Variants in AOPEP observed in about 807,000 individuals in gnomAD.
The protein encoded by AOPEP is aminopeptidase O.
Under a neutral mutation model 98.1 loss-of-function variants are expected in AOPEP, and 77 were observed. That is an observed-to-expected ratio of 0.78 (90% CI 0.65 to 0.95). The LOEUF (loss-of-function observed/expected upper bound fraction) is 0.95, where lower values mean the gene tolerates loss of function less well. AOPEP is among the 40% of genes least tolerant of loss of function. The probability of loss-of-function intolerance (pLI) is 0.00; values close to 1 mark genes in which losing one functional copy is unlikely to be tolerated. For missense variants in AOPEP, 1,024 were observed against 1,024.7 expected (o/e 1.00, Z 0.01); for synonymous variants, 346 against 365.3 (o/e 0.95, Z 0.60).
chr9:94,903,052 C>T (rs2050632986), intron 5 of AOPEP, among the ~76,000 whole-genome samples: 2 of 150,644 alleles, frequency 1.3e-5, no homozygotes, highest in African/African-American at 4.9e-5. Context: ...CCGATCTTGG[C>T]TCATTGTAAC....
At chr9:94,795,333 G>A (rs1408397629) in intron 4 of AOPEP, among the ~76,000 whole-genome samples, 1 of 152,092 alleles carries the variant, frequency 6.6e-6, no homozygotes, top group African/African-American at 2.4e-5. Flanking sequence ...ATTGACTGGA[G>A]TGTGTTGTGT....
Position 94,797,156 on chromosome 9 carries a change from A to G in AOPEP, c.1119-3601A>G, listed in dbSNP as rs539684359. ...CTTTGTAAAAAGCACAGAATTGGCC[A>G]GGCGCGGTGGCTCACGCCATTAATC... is the stretch of plus-strand genomic sequence containing the variant. On this transcript the variant is annotated intron_variant, in intron 4 of 16. Coordinates refer to ENST00000375315, the MANE Select transcript of AOPEP (RefSeq NM_001193329.3). Among the ~76,000 whole-genome samples the G allele has an allele frequency of 1.2e-4, 18 of 152,358 alleles. No individual in the cohort carries two copies. The East Asian group carries it at 1.7e-3, about 15-fold the overall frequency.
chr9:94,949,294 T>C (rs2057924091), intron 7 of AOPEP, among the ~76,000 whole-genome samples: 1 of 152,244 alleles, frequency 6.6e-6, no homozygotes, highest in Non-Finnish European at 1.5e-5. Flanking sequence ...TTTCCCACCC[T>C]GATTATTAAA....
At chr9:94,734,184 A>G (rs983276473) in intron 1 of AOPEP, among the ~76,000 whole-genome samples, 3 of 152,178 alleles carry the variant, frequency 2.0e-5, no homozygotes, top group African/African-American at 7.2e-5. Context: ...CGCCGGGAAC[A>G]TGATCACCAA....
At chr9:94,814,774 G>A (rs1444329438) in intron 5 of AOPEP, among the ~76,000 whole-genome samples, 2 of 152,142 alleles carry the variant, frequency 1.3e-5, no homozygotes, top group Admixed American at 6.5e-5. Flanking sequence ...CCCGGTATTC[G>A]GGTAAGTATG....
chr9:95,143,806 C>A, the AOPEP span, among the ~76,000 whole-genome samples: 1 of 152,204 alleles, frequency 6.6e-6, no homozygotes, highest in Non-Finnish European at 1.5e-5. Flanking sequence ...AGGTTTTATG[C>A]CGTCTTTAGC....
At chr9:94,869,599 G>C (rs1451161321) in intron 5 of AOPEP, among the ~76,000 whole-genome samples, 1 of 152,154 alleles carries the variant, frequency 6.6e-6, no homozygotes, top group East Asian at 1.9e-4. Context: ...ACATAGAATG[G>C]GGTTGGTAAT....
intron 13 of AOPEP, among the ~76,000 whole-genome samples, chr9:95,032,202 A>G (rs73657032): frequency 6.6e-6 from 1 of 152,184 alleles, no homozygotes; most frequent in Non-Finnish European, 1.5e-5. Flanking sequence ...AGCGGAGGCC[A>G]CCTGCTTCTG....
intron 14 of AOPEP, among the ~76,000 whole-genome samples, chr9:95,077,273 C>T (rs541894428): frequency 1.6e-3 from 250 of 152,334 alleles, no homozygotes; most frequent in Non-Finnish European, 3.2e-3. Flanking sequence ...CAGCACTGCC[C>T]CGGCTCCCAG....
chr9:94,980,866 T>C lies in AOPEP; in HGVS notation c.1977+1439T>C, dbSNP rs1299092462. 6.6e-6 allele frequency among the ~76,000 whole-genome samples: 1 copy of C among 152,094 alleles called. No homozygotes were observed. The highest frequency in any genetic ancestry group is 1.5e-5 in the Non-Finnish European group (1 of 68,024). ...AAAAACAAGTTAAGGTTTGTCTAGG[T>C]GTGAATAACCAACCCTTTTCCTTCA... On this transcript the variant is annotated intron_variant, in intron 11 of 16. Coordinates refer to ENST00000375315, the MANE Select transcript of AOPEP (RefSeq NM_001193329.3). The surrounding 1 kb of genome is among the most constrained non-coding windows in gnomAD (Gnocchi z 4.3).
chr9:95,039,095 T>C (rs761597640), intron 13 of AOPEP, among the ~76,000 whole-genome samples: 1 of 152,154 alleles, frequency 6.6e-6, no homozygotes, highest in Non-Finnish European at 1.5e-5. Flanking sequence ...ATGGAACACA[T>C]GTGAGCATGT....
intron 5 of AOPEP, among the ~76,000 whole-genome samples, chr9:94,895,054 T>TTG (rs61413921): frequency 0.028 from 4,252 of 151,374 alleles, 154 homozygotes; most frequent in African/African-American, 0.082. Flanking sequence ...CTCTGTGTGT[T>TTG]TGTGTGTGTG....
At chr9:94,797,756 T>C (rs1042808604) in intron 4 of AOPEP, among the ~76,000 whole-genome samples, 2 of 148,260 alleles carry the variant, frequency 1.3e-5, no homozygotes, top group Non-Finnish European at 3.0e-5. Context: ...CAGGCTGGAG[T>C]GCAGTGGTGC....
intron 5 of AOPEP, among the ~76,000 whole-genome samples, chr9:94,861,121 T>C (rs910671562): frequency 2.6e-5 from 4 of 152,178 alleles, no homozygotes; most frequent in African/African-American, 9.7e-5. Context: ...GAACCAGAAC[T>C]CTGCATATGG....
In AOPEP at chr9:94,972,712, C is replaced by A. The variant is rs2059607555; in HGVS notation, c.1916+4911C>A. Among the ~76,000 whole-genome samples, 1 of 152,090 alleles carries A rather than the reference C, an allele frequency of 6.6e-6. No homozygotes were observed. Among genetic ancestry groups the A allele is most frequent in the African/African-American group, 2.4e-5 (1 of 41,410 alleles). ...CAGCACTTTGGGAGGCCAAGGTGGG[C>A]AGATCACTTTTAGCTTAGGAGTTGG... is the stretch of plus-strand genomic sequence containing the variant. On this transcript the variant is annotated intron_variant, in intron 10 of 16. Transcript: ENST00000375315. The surrounding 1 kb of genome is among the most constrained non-coding windows in gnomAD (Gnocchi z 4.2).
chr9:94,782,972 A>G (rs1269596246), intron 3 of AOPEP, among the ~76,000 whole-genome samples: 3 of 152,126 alleles, frequency 2.0e-5, no homozygotes, highest in African/African-American at 7.2e-5. Flanking sequence ...ACCAGTTCTC[A>G]TTGCTGTGGA....
chr9:94,836,999 A>T (rs749771535), intron 5 of AOPEP, among the ~76,000 whole-genome samples: 1 of 152,302 alleles, frequency 6.6e-6, no homozygotes, highest in Non-Finnish European at 1.5e-5. Flanking sequence ...AAAAAAATTG[A>T]TAGACCATTA....
At chr9:94,811,145 AAAC>A (rs944644743) in intron 5 of AOPEP, among the ~76,000 whole-genome samples, 39 of 152,316 alleles carry the variant, frequency 2.6e-4, no homozygotes, top group African/African-American at 8.4e-4. Context: ...TTTTAGTTTA[AAAC>A]AACAACAACA....
At chr9:95,137,151 A>G in the AOPEP span, among the ~76,000 whole-genome samples, 1 of 152,194 alleles carries the variant, frequency 6.6e-6, no homozygotes, top group Non-Finnish European at 1.5e-5. Context: ...CTGTCCCTTC[A>G]CCATGACTTT....
Sources: gnomAD v4.1 joint callset for allele counts (sites outside exome capture counted in the v4.1 genomes callset) on GRCh38, gnomAD v4.1.1 for gene constraint, Gnocchi (gnomAD v3.1) non-coding constraint, MANE v1.5 for transcripts, NCBI Gene and HGNC (gene_info 2026-07-23, HGNC 2026-07-21) for gene names.